Variants in U2AF2 observed in about 807,000 individuals in gnomAD.
U2AF2 encodes the protein U2 small nuclear RNA auxiliary factor 2.
U2AF2 carries 6 observed loss-of-function variants against 52.6 expected under a neutral mutation model. The observed-to-expected ratio is 0.11, with a 90% CI of 0.06 to 0.23. The LOEUF is 0.23. Among genes scored for constraint, U2AF2 ranks in the 10% least tolerant of loss-of-function variants. The probability of loss-of-function intolerance (pLI) is 1.00; values close to 1 mark genes in which losing one functional copy is unlikely to be tolerated. For synonymous variants in U2AF2, 284 were observed against 258.2 expected (o/e 1.10, Z -0.96); for missense variants, 222 against 677.1 (o/e 0.33, Z 7.46).
chr19:55,657,278 T>G (rs1373727186), intron 1 of U2AF2, among the ~76,000 whole-genome samples: 2 of 152,206 alleles, frequency 1.3e-5, no homozygotes, highest in Non-Finnish European at 2.9e-5. Flanking sequence ...AAGCTCTCAT[T>G]GTTTTTACCT....
rs758431701 is a variant in U2AF2, at chr19:55,660,546, G to T, written c.261G>T (p.Lys87Asn). The change falls in exon 4 of 12, where the codon AAG becomes AAT. Residue 87 changes from lysine to asparagine, a missense_variant. Physicochemically the swap from Lys to Asn is moderately conservative, Grantham distance 94 (BLOSUM62 0). Transcript: ENST00000308924. ...IRSPRHEKKKKVRKYWDVPPP... is the reference protein window; with the variant it reads ...IRSPRHEKKKNVRKYWDVPPP... The stretch of plus-strand genomic sequence containing the variant: ...CCCCCCGCCACGAGAAGAAGAAGAA[G>T]GTCCGTAAATACTGGGACGTGCCAC... The T allele has an allele frequency of 6.8e-7, 1 of 1,477,962 alleles. No homozygotes were observed. Among genetic ancestry groups the T allele is most frequent in the African/African-American group, 1.6e-5 (1 of 63,858 alleles). 91.6% of individuals were successfully genotyped at this position (1,477,962 alleles called of 1,614,324 possible). A position where few individuals can be genotyped will look rare whatever the true frequency, so the allele number is the denominator to read the frequency against.
chr19:55,661,577 C>T (rs962073371), intron 5 of U2AF2, among the ~76,000 whole-genome samples: 1 of 151,120 alleles, frequency 6.6e-6, no homozygotes, highest in Non-Finnish European at 1.5e-5. Context: ...TTCTGACACG[C>T]CTCTCGTTCT....
intron 2 of U2AF2, 122 bp from the exon 3 acceptor site, chr19:55,660,055 C>G (rs1172873283): frequency 2.5e-6 from 2 of 802,048 alleles, no homozygotes; most frequent in Admixed American, 6.1e-5. Context: ...GGCCTGCTTG[C>G]TGCTTGTTGA....
At chr19:55,665,138 CT>C (rs1410852305) in intron 7 of U2AF2, among the ~76,000 whole-genome samples, 1 of 152,238 alleles carries the variant, frequency 6.6e-6, no homozygotes, top group Non-Finnish European at 1.5e-5. Context: ...CCCGATCAAG[CT>C]GCAGAATGTC....
intron 2 of U2AF2, 135 bp downstream of exon 2, chr19:55,659,480 G>C (rs901049385): frequency 3.0e-5 from 35 of 1,183,226 alleles, no homozygotes; most frequent in Non-Finnish European, 3.8e-5. Flanking sequence ...TGTGGATCTG[G>C]GGGAGGGATC....
At chr19:55,673,115 C>A (rs1023564550) in intron 11 of U2AF2, among the ~76,000 whole-genome samples, 2 of 151,344 alleles carry the variant, frequency 1.3e-5, no homozygotes, top group South Asian at 4.2e-4. Flanking sequence ...GATGGGGTTT[C>A]GCTATGTTGG....
intron 1 of U2AF2, among the ~76,000 whole-genome samples, chr19:55,656,953 G>C (rs948847716): frequency 6.6e-6 from 1 of 152,240 alleles, no homozygotes; most frequent in African/African-American, 2.4e-5. Flanking sequence ...CACAACACCT[G>C]GATGGAGTAG....
At chr19:55,662,192 C>G (rs758220407) in intron 5 of U2AF2, 3 of 272,412 alleles carry the variant, frequency 1.1e-5, no homozygotes, top group Non-Finnish European at 2.1e-5. Context: ...TGCCCTCTGC[C>G]TTTTCTTGAA....
chr19:55,657,582 C>T (rs1019447126), intron 1 of U2AF2, among the ~76,000 whole-genome samples: 2 of 152,234 alleles, frequency 1.3e-5, no homozygotes, highest in Non-Finnish European at 2.9e-5. Flanking sequence ...ATCTTATAAG[C>T]GAGGAGCTGT....
intron 2 of U2AF2, 72 bp from the exon 3 acceptor site, chr19:55,660,105 G>C: frequency 8.8e-6 from 13 of 1,479,582 alleles, no homozygotes; most frequent in Admixed American, 3.7e-5. Context: ...GTGCCCTTGG[G>C]GGGGTGTGGC....
intron 1 of U2AF2, among the ~76,000 whole-genome samples, chr19:55,658,608 C>T (rs1300841219): frequency 6.6e-6 from 1 of 152,150 alleles, no homozygotes; most frequent in Non-Finnish European, 1.5e-5. Flanking sequence ...AGAGGAGGGC[C>T]TCTTTCCCCT....
chr19:55,660,481 T>G (rs1210202667), intron 3 of U2AF2, 35 bp from the exon 4 acceptor site: 1 of 1,133,950 alleles, frequency 8.8e-7, no homozygotes, highest in Non-Finnish European at 1.3e-6. Context: ...AGACTGAGGT[T>G]GCCCTGCCCC....
At chr19:55,666,021 G>C (rs1046653071) in intron 7 of U2AF2, among the ~76,000 whole-genome samples, 1 of 152,220 alleles carries the variant, frequency 6.6e-6, no homozygotes, top group Non-Finnish European at 1.5e-5. Context: ...GGGTAGGGAC[G>C]TGTGGTGGGC....
intron 5 of U2AF2, 86 bp downstream of exon 5, chr19:55,661,275 A>G: frequency 3.0e-6 from 4 of 1,318,794 alleles, no homozygotes; most frequent in Non-Finnish European, 3.9e-6. Context: ...CCCAACCTGC[A>G]CGGGTCAGAC....
At chr19:55,661,530 AC>A in intron 5 of U2AF2, among the ~76,000 whole-genome samples, 1 of 149,962 alleles carries the variant, frequency 6.7e-6, no homozygotes, top group African/African-American at 2.5e-5. Context: ...ACACACACAC[AC>A]ACACACACAC....
At position 55,666,271 on chromosome 19, in the gene U2AF2, C is replaced by G. The variant is rs575150881; in HGVS notation, c.743-2236C>G. Among the ~76,000 whole-genome samples, 30 of 152,318 alleles carry G rather than the reference C, an allele frequency of 2.0e-4. No homozygotes were observed. The East Asian group carries it at 5.4e-3, about 27-fold the overall frequency. ...AAGAGCTTCGGGACAATGGGGATCCCTGCTGGGTCTTCCCCACACAGCCTC... is the reference window on the plus strand; with the variant it reads ...AAGAGCTTCGGGACAATGGGGATCCGTGCTGGGTCTTCCCCACACAGCCTC... On this transcript the variant is annotated intron_variant, in intron 7 of 11. Coordinates refer to ENST00000308924, the MANE Select transcript of U2AF2 (RefSeq NM_007279.3).
rs1264902435 is a variant in U2AF2, at chr19:55,673,951, C to T, written c.1311C>T (p.Thr437=). ...CCCCACAGATCTTTGTGGAGTTCAC[C>T]TCTGTGTTTGACTGCCAGAAAGCCA... ...PGCGKIFVEF[T]SVFDCQKAMQ... is the part of the protein sequence containing the mutation. Residue 437 remains threonine (T), a synonymous_variant, in exon 12 of 12, where the codon ACC becomes ACT. Transcript: ENST00000308924. 1.9e-6 allele frequency: 3 copies of T among 1,613,422 alleles called. No homozygotes were observed. The highest frequency in any genetic ancestry group is 2.5e-6 in the Non-Finnish European group (3 of 1,179,622).
intron 4 of U2AF2, 112 bp downstream of exon 4, chr19:55,660,731 G>A (rs569553799): frequency 3.7e-6 from 4 of 1,076,640 alleles, no homozygotes; most frequent in Non-Finnish European, 5.4e-6. Context: ...CAGGTAGAGG[G>A]TTGCACACCC....
At chr19:55,664,076 A>C (rs1050890837) in intron 7 of U2AF2, 2 of 274,572 alleles carry the variant, frequency 7.3e-6, no homozygotes, top group South Asian at 6.2e-5. Flanking sequence ...TGGAGGGCTC[A>C]GTCTGTGCCC....
Sources: gnomAD v4.1 joint callset for allele counts (sites outside exome capture counted in the v4.1 genomes callset) on GRCh38, gnomAD v4.1.1 for gene constraint, MANE v1.5 for transcripts, NCBI Gene and HGNC (gene_info 2026-07-23, HGNC 2026-07-21) for gene names.